The following SYT16 variants were observed in gnomAD, a reference collection of about 807,000 sequenced individuals.
The protein encoded by SYT16 is synaptotagmin-16.
A neutral mutation model predicts 61.4 loss-of-function variants in SYT16; 42 were observed. The observed-to-expected ratio is 0.68, with a 90% confidence interval of 0.53 to 0.89. The LOEUF (loss-of-function observed/expected upper bound fraction) is 0.89, where lower values mean the gene tolerates loss of function less well. Among genes scored for constraint, SYT16 ranks in the 40% least tolerant of loss-of-function variants. The probability of loss-of-function intolerance (pLI) is 0.00; values close to 1 mark genes in which losing one functional copy is unlikely to be tolerated. For synonymous variants in SYT16, 314 were observed against 302.3 expected (o/e 1.04, Z -0.40); for missense variants, 804 against 807.3 (o/e 1.00, Z 0.05).
At position 62,081,282 on chromosome 14, in the gene SYT16, T is replaced by C. The variant is rs754434915; in HGVS notation, c.1434+8T>C. On this transcript the variant is annotated splice_region_variant and intron_variant, in intron 6 of 7. Coordinates refer to ENST00000683842, the MANE Select transcript of SYT16 (RefSeq NM_001367656.1). ...CCAAGAAGTAATATAAGCGTGAGTA[T>C]GTTAAATGGTGCTGCTAATGATGTG... 1 of 1,608,994 alleles carries C rather than the reference T, an allele frequency of 6.2e-7. No individual in the cohort carries two copies. The highest frequency in any genetic ancestry group is 8.5e-7 in the Non-Finnish European group (1 of 1,177,084).
chr14:62,051,847 C>G (rs532628701), intron 3 of SYT16, among the ~76,000 whole-genome samples: 26 of 152,126 alleles, frequency 1.7e-4, no homozygotes, highest in African/African-American at 6.3e-4. Context: ...GCCTGGGCAA[C>G]CTGGTGAAAC....
intron 1 of SYT16, among the ~76,000 whole-genome samples, chr14:61,864,326 A>G (rs2047062034): frequency 6.6e-6 from 1 of 152,222 alleles, no homozygotes; most frequent in South Asian, 2.1e-4. Flanking sequence ...CGCAGCCAGA[A>G]CGACTGGTTT....
At chr14:61,905,373 G>T (rs2048665441) in intron 1 of SYT16, among the ~76,000 whole-genome samples, 1 of 152,230 alleles carries the variant, frequency 6.6e-6, no homozygotes, top group Non-Finnish European at 1.5e-5. Context: ...AGTAATTGCG[G>T]GTTTTGCCAT....
intron 1 of SYT16, among the ~76,000 whole-genome samples, chr14:61,846,780 T>C (rs1315340994): frequency 6.6e-6 from 1 of 152,316 alleles, no homozygotes; most frequent in East Asian, 1.9e-4. Flanking sequence ...TTTTTTCTGG[T>C]GATATGATTT....
chr14:61,924,421 A>G (rs894763659), intron 1 of SYT16, among the ~76,000 whole-genome samples: 7 of 152,194 alleles, frequency 4.6e-5, no homozygotes, highest in Non-Finnish European at 8.8e-5. Flanking sequence ...TTAACCAGAG[A>G]GTAGAAGTGT....
intron 1 of SYT16, among the ~76,000 whole-genome samples, chr14:61,966,645 A>G (rs1432103734): frequency 1.3e-5 from 2 of 152,312 alleles, no homozygotes; most frequent in Non-Finnish European, 1.5e-5. Flanking sequence ...TTATGTAATG[A>G]GTTTCATGCT....
chr14:61,975,609 A>G (rs767930495), intron 2 of SYT16, among the ~76,000 whole-genome samples: 8 of 152,080 alleles, frequency 5.3e-5, no homozygotes, highest in Admixed American at 3.3e-4. Flanking sequence ...GAACTCACTC[A>G]CTATCATTAG....
chr14:61,928,532 T>C (rs899313179), intron 1 of SYT16, among the ~76,000 whole-genome samples: 2 of 152,174 alleles, frequency 1.3e-5, no homozygotes, highest in Admixed American at 6.5e-5. Context: ...TAGTGATCTC[T>C]AGTCATCAGA....
chr14:61,887,156 T>C (rs1317753387), intron 1 of SYT16, among the ~76,000 whole-genome samples: 1 of 152,232 alleles, frequency 6.6e-6, no homozygotes, highest in East Asian at 1.9e-4. Flanking sequence ...TCCTTACACA[T>C]CTCTATCAGA....
intron 1 of SYT16, among the ~76,000 whole-genome samples, chr14:61,898,691 G>A (rs1376723070): frequency 1.3e-5 from 2 of 152,196 alleles, no homozygotes; most frequent in Non-Finnish European, 2.9e-5. Context: ...AAACCTCAAA[G>A]GTTCTTCCAG....
intron 1 of SYT16, among the ~76,000 whole-genome samples, chr14:61,915,738 G>A (rs1207732531): frequency 6.6e-6 from 1 of 152,206 alleles, no homozygotes; most frequent in Non-Finnish European, 1.5e-5. Flanking sequence ...GGCGTCCAGT[G>A]TGACTATGCT....
chr14:61,976,194 G>C (rs1027901635), intron 2 of SYT16, among the ~76,000 whole-genome samples: 2 of 152,156 alleles, frequency 1.3e-5, no homozygotes, highest in African/African-American at 2.4e-5. Flanking sequence ...CATGGTCTTT[G>C]GCAGCTCCAT....
intron 3 of SYT16, among the ~76,000 whole-genome samples, chr14:62,056,604 C>T (rs1449124328): frequency 6.6e-6 from 1 of 152,162 alleles, no homozygotes; most frequent in Non-Finnish European, 1.5e-5. Flanking sequence ...CAGAAACGCA[C>T]GTAGATGTTC....
chr14:61,860,948 TGGG>T (rs1045770469), intron 1 of SYT16, among the ~76,000 whole-genome samples: 3 of 152,062 alleles, frequency 2.0e-5, no homozygotes, highest in African/African-American at 7.2e-5. Context: ...CATTTTAAGC[TGGG>T]GGAAGAAGAA....
At chr14:62,009,148 G>T (rs185443426) in intron 3 of SYT16, among the ~76,000 whole-genome samples, 9 of 152,270 alleles carry the variant, frequency 5.9e-5, no homozygotes, top group African/African-American at 1.9e-4. Flanking sequence ...GGCATTAAAA[G>T]AATCTAAGTA....
At chr14:61,910,298 G>A (rs1220575228) in intron 1 of SYT16, among the ~76,000 whole-genome samples, 2 of 151,676 alleles carry the variant, frequency 1.3e-5, no homozygotes, top group African/African-American at 2.4e-5. Flanking sequence ...GAGTGCAATG[G>A]CATGATCTCA....
intron 2 of SYT16, among the ~76,000 whole-genome samples, chr14:61,972,218 T>C (rs1261419800): frequency 6.6e-6 from 1 of 152,230 alleles, no homozygotes; most frequent in Non-Finnish European, 1.5e-5. Flanking sequence ...CATTAATGAA[T>C]TGTATTCATT....
chr14:62,067,364 C>T (rs2056104277), intron 3 of SYT16, among the ~76,000 whole-genome samples: 1 of 152,014 alleles, frequency 6.6e-6, no homozygotes, highest in Non-Finnish European at 1.5e-5. Flanking sequence ...TCAGGGAGGA[C>T]TGTAGGATGA....
intron 1 of SYT16, among the ~76,000 whole-genome samples, chr14:61,898,274 G>C (rs217679): frequency 0.91 from 138,325 of 152,246 alleles, 62,972 homozygotes; most frequent in East Asian, 0.98. Context: ...CCTAGTTTTC[G>C]TCTTTGAGTA....
Sources: allele counts gnomAD v4.1 joint callset (sites outside exome capture counted in the v4.1 genomes callset), GRCh38; gene constraint gnomAD v4.1.1; transcripts MANE v1.5; gene names NCBI Gene and HGNC (gene_info 2026-07-23, HGNC 2026-07-21).